The following SH3PXD2A variants were observed in gnomAD, a reference collection of about 807,000 sequenced individuals.
SH3PXD2A encodes SH3 and PX domain-containing protein 2A.
SH3PXD2A carries 32 observed loss-of-function variants against 115.2 expected under a neutral mutation model. The ratio of observed to expected loss-of-function variants is 0.28; its 90% CI spans 0.21 to 0.37. The LOEUF (loss-of-function observed/expected upper bound fraction) is 0.37. SH3PXD2A is among the 10% of genes least tolerant of loss of function. The pLI, the probability that SH3PXD2A is intolerant of heterozygous loss-of-function variation, is 1.00. For synonymous variants in SH3PXD2A, 610 were observed against 629.1 expected, an observed-to-expected ratio of 0.97 and a Z score of 0.45; for missense variants, 1,328 against 1,498.7, an observed-to-expected ratio of 0.89 and a Z score of 1.88.
chr10:103,795,181 C>G (rs754661385), intron 2 of SH3PXD2A, among the ~76,000 whole-genome samples: 27 of 152,212 alleles, frequency 1.8e-4, no homozygotes, highest in Non-Finnish European at 3.1e-4. Flanking sequence ...AGGAACTGAA[C>G]ATTTACTTTT....
In SH3PXD2A at chr10:103,617,241, T is replaced by C. The variant is rs571177941; in HGVS notation, c.876A>G (p.Thr292=). 1.1e-5 allele frequency: 18 copies of C among 1,614,178 alleles called. No individual in the cohort carries two copies. The African/African-American group carries it at 2.0e-4, about 18-fold the overall frequency. ...KDEIGFEKGV[T]VEVIRKNLEG... ...CCAGATTCTTCCGGATCACCTCCAC[T>C]GTGACGCCCTTCTCAAAGCCAATCT... Residue 292 remains threonine, a synonymous_variant, in exon 11 of 15, where the codon ACA becomes ACG. Transcript: ENST00000369774.
chr10:103,707,946 A>C (rs1592312081), intron 5 of SH3PXD2A, among the ~76,000 whole-genome samples: 1 of 150,448 alleles, frequency 6.6e-6, no homozygotes, highest in South Asian at 2.1e-4. Context: ...TTGCCTCCAA[A>C]CCCTCCCTCA....
chr10:103,636,846 T>A (rs530260433), intron 8 of SH3PXD2A, among the ~76,000 whole-genome samples: 2 of 152,144 alleles, frequency 1.3e-5, no homozygotes, highest in Non-Finnish European at 2.9e-5. Flanking sequence ...CAGCCCAGGA[T>A]TGAGCCCAAG....
intron 8 of SH3PXD2A, among the ~76,000 whole-genome samples, chr10:103,651,423 C>A (rs1418072075): frequency 1.3e-5 from 2 of 152,262 alleles, no homozygotes; most frequent in South Asian, 2.1e-4. Context: ...GGCTTTAGCA[C>A]AACTGACCGC....
intron 1 of SH3PXD2A, among the ~76,000 whole-genome samples, chr10:103,843,923 G>A (rs1842812456): frequency 1.3e-5 from 2 of 152,180 alleles, no homozygotes; most frequent in Non-Finnish European, 2.9e-5. Flanking sequence ...AATGAGACAA[G>A]TGCCTGCATC....
At chr10:103,722,535 C>T (rs143854517) in intron 5 of SH3PXD2A, among the ~76,000 whole-genome samples, 50 of 151,172 alleles carry the variant, frequency 3.3e-4, no homozygotes, top group African/African-American at 1.1e-3. Flanking sequence ...CTCTTGGGCT[C>T]AAGAGATCCA....
chr10:103,777,913 A>G (rs2038895681), intron 2 of SH3PXD2A, among the ~76,000 whole-genome samples: 1 of 152,136 alleles, frequency 6.6e-6, no homozygotes, highest in Non-Finnish European at 1.5e-5. Context: ...CAAGGAGAAG[A>G]TGCAAGCAAG....
rs916099972 is a variant in SH3PXD2A at position 103,654,213 on chromosome 10, C to G, written c.604+6770G>C. Reference sequence around the variant, plus strand: ...TGGGACCCTGACTTGTGTCGCCAACCCTTCTTCCTGCTGGACTCTGTTGAT... The same window carrying G: ...TGGGACCCTGACTTGTGTCGCCAACGCTTCTTCCTGCTGGACTCTGTTGAT... On this transcript the variant is annotated intron_variant, in intron 8 of 14. Transcript: ENST00000369774. 2.0e-5 allele frequency among the ~76,000 whole-genome samples: 3 copies of G among 152,168 alleles called. No individual in the cohort carries two copies. In the East Asian group the frequency reaches 5.8e-4, roughly 29 times the overall value.
At chr10:103,831,885 C>T (rs888654014) in intron 1 of SH3PXD2A, among the ~76,000 whole-genome samples, 7 of 152,162 alleles carry the variant, frequency 4.6e-5, no homozygotes, top group African/African-American at 1.7e-4. Context: ...CTGTTCTGGG[C>T]ATTTCATATG....
intron 3 of SH3PXD2A, among the ~76,000 whole-genome samples, chr10:103,758,296 C>A (rs1180633869): frequency 2.0e-5 from 3 of 152,186 alleles, no homozygotes; most frequent in Admixed American, 6.5e-5. Flanking sequence ...TGCTGTCCCC[C>A]CAAGCCTGGC....
chr10:103,854,773 G>A (rs1842925027), intron 1 of SH3PXD2A, among the ~76,000 whole-genome samples: 1 of 152,108 alleles, frequency 6.6e-6, no homozygotes, highest in Non-Finnish European at 1.5e-5. Context: ...CAGGGCGCGA[G>A]GCTTCCTTCT....
At chr10:103,604,387 T>C (rs2036269059) in intron 14 of SH3PXD2A, among the ~76,000 whole-genome samples, 1 of 152,218 alleles carries the variant, frequency 6.6e-6, no homozygotes, top group Non-Finnish European at 1.5e-5. Context: ...TTTGGGTTGA[T>C]TGGTTTCCTG....
chr10:103,850,402 C>T (rs916746773), intron 1 of SH3PXD2A, among the ~76,000 whole-genome samples: 4 of 152,144 alleles, frequency 2.6e-5, no homozygotes, highest in Non-Finnish European at 4.4e-5. Flanking sequence ...CCTTGTCAGA[C>T]CCGTGAATCA....
intron 1 of SH3PXD2A, among the ~76,000 whole-genome samples, chr10:103,817,328 C>A (rs1337906423): frequency 6.6e-6 from 1 of 151,906 alleles, no homozygotes. Context: ...CTCAAGTAGG[C>A]CCCAGTGTCT....
At chr10:103,852,581 G>C (rs553819790) in intron 1 of SH3PXD2A, among the ~76,000 whole-genome samples, 20 of 152,220 alleles carry the variant, frequency 1.3e-4, no homozygotes, top group South Asian at 6.2e-4. Context: ...ACAGGCAATG[G>C]GTGCAGCACG....
chr10:103,659,509 C>T (rs1268247172), intron 8 of SH3PXD2A, among the ~76,000 whole-genome samples: 1 of 152,158 alleles, frequency 6.6e-6, no homozygotes, highest in African/African-American at 2.4e-5. Context: ...AGAGCCAGAC[C>T]CCCATGACAT....
chr10:103,619,702 G>A (rs997157204), intron 10 of SH3PXD2A, among the ~76,000 whole-genome samples: 1 of 152,226 alleles, frequency 6.6e-6, no homozygotes, highest in Non-Finnish European at 1.5e-5. Flanking sequence ...CCTCTTGGGG[G>A]TGGGGGCAGA....
At chr10:103,830,643 T>C (rs758778858) in intron 1 of SH3PXD2A, among the ~76,000 whole-genome samples, 26 of 152,164 alleles carry the variant, frequency 1.7e-4, no homozygotes, top group Non-Finnish European at 3.4e-4. Context: ...TGGAATACCA[T>C]GCAGCAGTCA....
At chr10:103,694,540 G>C (rs1268609032) in intron 5 of SH3PXD2A, among the ~76,000 whole-genome samples, 2 of 30,200 alleles carry the variant, frequency 6.6e-5, no homozygotes, top group African/African-American at 5.6e-4. Flanking sequence ...TGGGGGCAAG[G>C]TCCAGGAAAT....
Sources: allele counts gnomAD v4.1 joint callset (sites outside exome capture counted in the v4.1 genomes callset), GRCh38; gene constraint gnomAD v4.1.1; transcripts MANE v1.5; gene names NCBI Gene and HGNC (gene_info 2026-07-23, HGNC 2026-07-21).